ASCC3: variants seen among roughly 807,000 people sequenced by gnomAD.
ASCC3 encodes ASC-1 complex subunit P200.
Under a neutral mutation model 256.3 loss-of-function variants are expected in ASCC3, and 158 were observed. The observed-to-expected ratio is 0.62, with a 90% CI of 0.54 to 0.70. The LOEUF (loss-of-function observed/expected upper bound fraction) is 0.70. Ranked by LOEUF, ASCC3 falls within the 30% of genes least tolerant of loss-of-function variation. The pLI, the probability that ASCC3 is intolerant of heterozygous loss-of-function variation, is 0.00. For missense variants in ASCC3, 2,259 were observed against 2,626.0 expected (o/e 0.86, Z 3.05); for synonymous variants, 948 against 883.4 (o/e 1.07, Z -1.30).
At chr6:100,699,801 C>T (rs138257783) in intron 13 of ASCC3, among the ~76,000 whole-genome samples, 140 of 152,222 alleles carry the variant, frequency 9.2e-4, no homozygotes, top group Middle Eastern at 6.8e-3. Flanking sequence ...AAGAGACTGG[C>T]GGCATTTTGC....
intron 10 of ASCC3, among the ~76,000 whole-genome samples, chr6:100,745,199 C>T (rs748764213): frequency 5.3e-5 from 8 of 152,038 alleles, no homozygotes; most frequent in Middle Eastern, 3.2e-3. Flanking sequence ...TGTTGGTGCG[C>T]GCCTATAATC....
At chr6:100,651,716 A>G in intron 18 of ASCC3, 70 bp from the exon 19 acceptor site, 1 of 813,854 alleles carries the variant, frequency 1.2e-6, no homozygotes, top group South Asian at 2.4e-5. Flanking sequence ...AAATGTGACT[A>G]TAAATTACAC....
chr6:100,602,575 G>A (rs540514807), intron 33 of ASCC3, among the ~76,000 whole-genome samples: 1 of 152,098 alleles, frequency 6.6e-6, no homozygotes, highest in East Asian at 1.9e-4. Context: ...TACAGGACAT[G>A]GAGCAAGTAT....
At chr6:100,859,568 T>A (rs1582975621) in intron 3 of ASCC3, among the ~76,000 whole-genome samples, 1 of 152,042 alleles carries the variant, frequency 6.6e-6, no homozygotes, top group African/African-American at 2.4e-5. Flanking sequence ...GTCATTGCTT[T>A]ATAAATGGCT....
At position 100,805,806 on chromosome 6, in the gene ASCC3, A is replaced by G; in HGVS notation, c.876T>C (p.Asp292=). 6.2e-7 allele frequency: 1 copy of G among 1,611,396 alleles called. No homozygotes were observed. Among genetic ancestry groups the G allele is most frequent in the South Asian group, 1.1e-5 (1 of 91,002 alleles). Residue 292 remains aspartate (D), a synonymous_variant, in exon 5 of 42, where the codon GAT becomes GAC. Transcript: ENST00000369162. ...KLLQNRITIV[D]RFLNSSNDHR... The stretch of plus-strand genomic sequence containing the variant: ...GATCATTTGAAGAATTAAGAAATCT[A>G]TCCACAATTGTAATTCTGTTCTGGA...
intron 10 of ASCC3, among the ~76,000 whole-genome samples, chr6:100,736,868 C>T (rs997116244): frequency 2.6e-5 from 4 of 152,040 alleles, no homozygotes; most frequent in Non-Finnish European, 5.9e-5. Flanking sequence ...AGGAATGAGG[C>T]CAGGCACAGT....
Position 100,848,550 on chromosome 6 carries a change from A to G in ASCC3, c.399T>C (p.Ala133=). 4 of 1,614,180 alleles carry G rather than the reference A, an allele frequency of 2.5e-6. No individual in the cohort carries two copies. The highest frequency in any genetic ancestry group is 3.4e-6 in the Non-Finnish European group (4 of 1,180,028). ...PSSSATAACN[A]TNRIISHFSQ... ...TAAAATGAGAAATAATTCGATTAGT[A>G]GCATTACAAGCTGCAGTGGCAGATG... Residue 133 remains alanine, a synonymous_variant, in exon 4 of 42, where the codon GCT becomes GCC. Coordinates refer to ENST00000369162, the MANE Select transcript of ASCC3 (RefSeq NM_006828.4).
chr6:100,622,591 A>G (rs1376418720), intron 30 of ASCC3, among the ~76,000 whole-genome samples: 1 of 152,078 alleles, frequency 6.6e-6, no homozygotes, highest in Non-Finnish European at 1.5e-5. Context: ...AAACCTGCAC[A>G]TCCTGTTTAT....
At chr6:100,633,509 C>G (rs1347430847) in intron 25 of ASCC3, among the ~76,000 whole-genome samples, 1 of 152,002 alleles carries the variant, frequency 6.6e-6, no homozygotes, top group Non-Finnish European at 1.5e-5. Flanking sequence ...TATGCCGAGA[C>G]TGCTAAGATC....
intron 37 of ASCC3, among the ~76,000 whole-genome samples, chr6:100,520,083 C>G (rs1774226488): frequency 6.6e-6 from 1 of 152,080 alleles, no homozygotes; most frequent in South Asian, 2.1e-4. Context: ...CTCTTTGCCC[C>G]CACTGCTTTA....
chr6:100,697,249 A>T (rs1246972520), intron 13 of ASCC3, among the ~76,000 whole-genome samples: 4 of 152,052 alleles, frequency 2.6e-5, no homozygotes, highest in Non-Finnish European at 5.9e-5. Flanking sequence ...TAAAAAAAAA[A>T]TAGTACCTAG....
chr6:100,518,820 G>A (rs1358065176), intron 37 of ASCC3, among the ~76,000 whole-genome samples: 1 of 152,156 alleles, frequency 6.6e-6, no homozygotes, highest in Non-Finnish European at 1.5e-5. Context: ...CACAGGCAAA[G>A]CTATTTCAAT....
At chr6:100,729,619 G>A (rs1562255998) in intron 10 of ASCC3, among the ~76,000 whole-genome samples, 2 of 152,026 alleles carry the variant, frequency 1.3e-5, no homozygotes, top group East Asian at 1.9e-4. Context: ...AACTCATCTT[G>A]TTATATCTGA....
Position 100,625,284 on chromosome 6 carries a change from T to G in ASCC3, c.4693A>C (p.Arg1565=). The change falls in exon 30 of 42, where the codon AGA becomes CGA. Residue 1565 remains arginine, a synonymous_variant. Transcript: ENST00000369162. ...AKPVLIFVSS[R]RQTRLTALEL... is the part of the protein sequence containing the mutation. Reference sequence around the variant, plus strand: ...AAAGCAGTAAGACGAGTTTGACGTCTTGATGAGACAAATATCAAAACAGGT... The same window carrying G: ...AAAGCAGTAAGACGAGTTTGACGTCGTGATGAGACAAATATCAAAACAGGT... The G allele has an allele frequency of 6.2e-7, 1 of 1,613,000 alleles. No individual in the cohort carries two copies. The highest frequency in any genetic ancestry group is 8.5e-7 in the Non-Finnish European group (1 of 1,179,250).
chr6:100,536,027 G>T (rs1430146988), intron 37 of ASCC3, among the ~76,000 whole-genome samples: 2 of 151,970 alleles, frequency 1.3e-5, no homozygotes, highest in East Asian at 1.9e-4. Context: ...AATAACAGAA[G>T]ATATTTCTAT....
chr6:100,538,346 TA>T (rs1775273035), intron 37 of ASCC3, among the ~76,000 whole-genome samples: 1 of 152,128 alleles, frequency 6.6e-6, no homozygotes, highest in Non-Finnish European at 1.5e-5. Context: ...CCTCAATAAG[TA>T]AACCATGTGT....
intron 30 of ASCC3, among the ~76,000 whole-genome samples, chr6:100,613,795 A>G (rs1236533923): frequency 6.6e-6 from 1 of 152,162 alleles, no homozygotes; most frequent in Non-Finnish European, 1.5e-5. Flanking sequence ...ATTCTCACCA[A>G]CAGCGTGTAA....
At position 100,611,421 on chromosome 6, in the gene ASCC3, TAA is replaced by T. The variant is rs201092439; in HGVS notation, c.4786-4335_4786-4334del. Among the ~76,000 whole-genome samples, 1,338 of 152,194 alleles carry T rather than the reference TAA, an allele frequency of 8.8e-3. 18 individuals carry two copies. Among genetic ancestry groups the T allele is most frequent in the Non-Finnish European group, 0.011 (759 of 67,952 alleles). ...ACATCTTTGTTACTGTACTTAAAAA[TAA>T]GTTTCATCTTGATCAAAACATCTTA... is the stretch of plus-strand genomic sequence containing the variant. On this transcript the variant is annotated intron_variant, in intron 30 of 41. Coordinates refer to ENST00000369162, the MANE Select transcript of ASCC3 (RefSeq NM_006828.4).
intron 8 of ASCC3, among the ~76,000 whole-genome samples, chr6:100,774,438 T>C (rs555974618): frequency 6.6e-6 from 1 of 152,102 alleles, no homozygotes; most frequent in Non-Finnish European, 1.5e-5. Context: ...CTATCTTGGC[T>C]CACGGCAACC....
Sources: gnomAD v4.1 joint callset for allele counts (sites outside exome capture counted in the v4.1 genomes callset) on GRCh38, gnomAD v4.1.1 for gene constraint, MANE v1.5 for transcripts, NCBI Gene and HGNC (gene_info 2026-07-23, HGNC 2026-07-21) for gene names.